ZNF566: variants seen among roughly 807,000 people sequenced by gnomAD.
The protein encoded by ZNF566 is zinc finger protein 566.
A neutral mutation model predicts 32.8 loss-of-function variants in ZNF566; 27 were observed. The observed-to-expected ratio is 0.82, with a 90% CI of 0.61 to 1.14. ZNF566 has a LOEUF of 1.14. ZNF566 is among the 50% of genes most tolerant of loss of function. The pLI, the probability that ZNF566 is intolerant of heterozygous loss-of-function variation, is 0.00. For missense variants in ZNF566, 402 were observed against 490.4 expected (o/e 0.82, Z 1.70); for synonymous variants, 154 against 159.5 (o/e 0.97, Z 0.26).
At position 36,482,708 on chromosome 19, in the gene ZNF566, T is replaced by C. The variant is rs139387655; in HGVS notation, c.-59-6092A>G. ...GCATGTATTCTAGGATAGAGCTAAT[T>C]ATTGATTCTGAGAAGCAGGTTTCTC... is the stretch of plus-strand genomic sequence containing the variant. On this transcript the variant is annotated intron_variant, in intron 1 of 4. Coordinates refer to ENST00000452939, the MANE Select transcript of ZNF566 (RefSeq NM_001145344.1). Among the ~76,000 whole-genome samples the C allele has an allele frequency of 2.8e-4, 42 of 152,288 alleles. 1 individual carries two copies. In the Middle Eastern group the frequency reaches 0.01, roughly 37 times the overall value.
At chr19:36,489,192 A>T (rs1315131256) in intron 1 of ZNF566, among the ~76,000 whole-genome samples, 1 of 152,164 alleles carries the variant, frequency 6.6e-6, no homozygotes, top group African/African-American at 2.4e-5. Flanking sequence ...GGACAAACGC[A>T]GTAACACTCA....
At chr19:36,480,282 T>TTTTTTC (rs1378989377) in intron 1 of ZNF566, among the ~76,000 whole-genome samples, 1,531 of 142,238 alleles carry the variant, frequency 0.011, 18 homozygotes, top group Non-Finnish European at 0.018. Context: ...CATGCAATTT[T>TTTTTTC]TTTTTCTTTT....
chr19:36,450,654 A>G (rs557630734), intron 4 of ZNF566, among the ~76,000 whole-genome samples: 51 of 152,040 alleles, frequency 3.4e-4, no homozygotes, highest in African/African-American at 1.1e-3. Context: ...TAGATAGATA[A>G]ATAAATAAAT....
At chr19:36,480,151 A>G (rs1392181029) in intron 1 of ZNF566, among the ~76,000 whole-genome samples, 7 of 152,212 alleles carry the variant, frequency 4.6e-5, no homozygotes, top group Admixed American at 4.6e-4. Context: ...AGGAGGACTA[A>G]AACTACAGAT....
Position 36,445,157 on chromosome 19 carries a change from T to C in ZNF566, c.*3820A>G, listed in dbSNP as rs948214642. The C allele has an allele frequency of 3.3e-5, 5 of 152,128 alleles. No homozygotes were observed. The highest frequency in any genetic ancestry group is 1.2e-4 in the African/African-American group (5 of 41,424). The allele number at this position is 152,128 out of a possible 1,614,324, so 9.4% of individuals were successfully genotyped here. A position where few individuals can be genotyped will look rare whatever the true frequency, so the allele number is the denominator to read the frequency against. On this transcript the variant is annotated 3_prime_UTR_variant, in exon 5 of 5. Coordinates refer to ENST00000452939, the MANE Select transcript of ZNF566 (RefSeq NM_001145344.1). The stretch of plus-strand genomic sequence containing the variant: ...ACATCTTTATTTCCAAATAATAAAC[T>C]ATATATTAATAATATATACATACAT...
rs769041473 is a variant in ZNF566, at chr19:36,472,928, G to T, written c.215C>A (p.Thr72Lys). ...TCACTTACCTGGCCACTGGCCTCTT[G>T]TTAGCTCTCTGTCAGCCAACCAGGG... The part of the protein sequence containing the change: ...KEPWLADREL[T>K]RGQWPVLESR... Residue 72 changes from threonine (T) to lysine (K), a missense_variant, in exon 4 of 5, where the codon ACA (threonine) becomes AAA (lysine). By Grantham distance (78) the Thr-to-Lys change is moderately conservative. Transcript: ENST00000452939. 6.2e-7 allele frequency: 1 copy of T among 1,613,938 alleles called. No individual in the cohort carries two copies. Among genetic ancestry groups the T allele is most frequent in the Non-Finnish European group, 8.5e-7 (1 of 1,179,926 alleles).
chr19:36,479,187 G>C (rs1179704828), intron 1 of ZNF566, among the ~76,000 whole-genome samples: 1 of 152,122 alleles, frequency 6.6e-6, no homozygotes, highest in Non-Finnish European at 1.5e-5. Context: ...AGGAAAAAAA[G>C]AATAATGTGC....
At chr19:36,458,459 TAGA>T (rs980009214) in intron 4 of ZNF566, among the ~76,000 whole-genome samples, 20 of 152,106 alleles carry the variant, frequency 1.3e-4, no homozygotes, top group African/African-American at 3.6e-4. Flanking sequence ...GTTGAACTCA[TAGA>T]AGAAGAGAGT....
intron 1 of ZNF566, among the ~76,000 whole-genome samples, chr19:36,484,295 G>A (rs1398289221): frequency 6.6e-6 from 1 of 152,214 alleles, no homozygotes; most frequent in Non-Finnish European, 1.5e-5. Context: ...AGGCACACAA[G>A]TTAGGTTTCC....
At chr19:36,457,786 G>A (rs1213840656) in intron 4 of ZNF566, among the ~76,000 whole-genome samples, 2 of 152,196 alleles carry the variant, frequency 1.3e-5, no homozygotes, top group Non-Finnish European at 2.9e-5. Flanking sequence ...AGCTACTTGG[G>A]AGGCTGAAGT....
intron 2 of ZNF566, among the ~76,000 whole-genome samples, chr19:36,474,543 T>C (rs555981734): frequency 6.6e-6 from 1 of 152,324 alleles, no homozygotes; most frequent in South Asian, 2.1e-4. Flanking sequence ...GAATACAATG[T>C]TCCCTTTAAC....
intron 4 of ZNF566, among the ~76,000 whole-genome samples, chr19:36,453,472 C>CAAAT (rs918177874): frequency 2.0e-4 from 29 of 143,136 alleles, no homozygotes; most frequent in East Asian, 1.0e-3. Context: ...GACTCTATCT[C>CAAAT]AAATAAATAA....
chr19:36,452,502 G>A (rs1600136797), intron 4 of ZNF566, among the ~76,000 whole-genome samples: 1 of 149,904 alleles, frequency 6.7e-6, no homozygotes, highest in Non-Finnish European at 1.5e-5. Flanking sequence ...TATTTTAGTG[G>A]AATAGTGTTA....
intron 1 of ZNF566, among the ~76,000 whole-genome samples, chr19:36,477,323 T>C: frequency 6.6e-6 from 1 of 152,110 alleles, no homozygotes; most frequent in Non-Finnish European, 1.5e-5. Context: ...ACTTTATTTA[T>C]TTAACCAATC....
chr19:36,481,665 C>G lies in ZNF566; in HGVS notation c.-59-5049G>C, dbSNP rs115271105. On this transcript the variant is annotated intron_variant, in intron 1 of 4. Coordinates refer to ENST00000452939, the MANE Select transcript of ZNF566 (RefSeq NM_001145344.1). Reference sequence around the variant, plus strand: ...TAGAGAGGAATTTTGCAATACTTAACAAAACTACAAAGCACTTACCTTTTG... The same window carrying G: ...TAGAGAGGAATTTTGCAATACTTAAGAAAACTACAAAGCACTTACCTTTTG... 4.5e-3 allele frequency among the ~76,000 whole-genome samples: 678 copies of G among 152,098 alleles called. 9 individuals carry two copies. The highest frequency in any genetic ancestry group is 0.015 in the African/African-American group (642 of 41,466).
rs1359597905 is a variant in ZNF566, at chr19:36,445,845, G to A, written c.*3132C>T. 1 of 152,070 alleles carries A rather than the reference G, an allele frequency of 6.6e-6. No individual in the cohort carries two copies. The highest frequency in any genetic ancestry group is 2.4e-5 in the African/African-American group (1 of 41,412). The allele number at this position is 152,070 out of a possible 1,614,324, so 9.4% of individuals were successfully genotyped here. ...AAAACAAAACAAAGCAAAAACACTGGAAATGACTTGGGAAGCTTATTTTAT... is the reference window on the plus strand; with the variant it reads ...AAAACAAAACAAAGCAAAAACACTGAAAATGACTTGGGAAGCTTATTTTAT... On this transcript the variant is annotated 3_prime_UTR_variant, in exon 5 of 5. Coordinates refer to ENST00000452939, the MANE Select transcript of ZNF566 (RefSeq NM_001145344.1).
chr19:36,457,330 A>G (rs1474722083), intron 4 of ZNF566, among the ~76,000 whole-genome samples: 8 of 152,212 alleles, frequency 5.3e-5, no homozygotes, highest in Admixed American at 5.2e-4. Context: ...ATATGATTAC[A>G]TCAAACTCAA....
At chr19:36,472,301 T>C (rs1487054249) in intron 4 of ZNF566, among the ~76,000 whole-genome samples, 2 of 152,210 alleles carry the variant, frequency 1.3e-5, no homozygotes, top group African/African-American at 2.4e-5. Context: ...CTCTTCTACC[T>C]CGTTAGCCCT....
chr19:36,450,588 G>A (rs1018554191), intron 4 of ZNF566, among the ~76,000 whole-genome samples: 3 of 152,190 alleles, frequency 2.0e-5, no homozygotes, highest in Admixed American at 2.0e-4. Context: ...AGGTTGCAGT[G>A]AGCCGAGATT....
Sources: gnomAD v4.1 joint callset for allele counts (sites outside exome capture counted in the v4.1 genomes callset) on GRCh38, gnomAD v4.1.1 for gene constraint, MANE v1.5 for transcripts, NCBI Gene and HGNC (gene_info 2026-07-23, HGNC 2026-07-21) for gene names.